ADAMTS12: variants seen among roughly 807,000 people sequenced by gnomAD.
ADAMTS12 encodes the protein ADAM metallopeptidase with thrombospondin type 1 motif 12.
Under a neutral mutation model 167.8 loss-of-function variants are expected in ADAMTS12, and 118 were observed. The ratio of observed to expected loss-of-function variants is 0.70; its 90% CI spans 0.61 to 0.82. ADAMTS12 has a LOEUF of 0.82. Among genes scored for constraint, ADAMTS12 ranks in the 40% least tolerant of loss-of-function variants. The pLI is 0.00. For synonymous variants in ADAMTS12, 704 were observed against 716.9 expected (o/e 0.98, Z 0.29); for missense variants, 1,916 against 1,998.8 (o/e 0.96, Z 0.79).
At chr5:33,746,835 G>A (rs957458573) in intron 3 of ADAMTS12, among the ~76,000 whole-genome samples, 1 of 152,218 alleles carries the variant, frequency 6.6e-6, no homozygotes, top group Non-Finnish European at 1.5e-5. Flanking sequence ...TCGAAAAGCA[G>A]AACTGGGTCT....
chr5:33,685,105 A>C (rs1188199972), intron 3 of ADAMTS12, among the ~76,000 whole-genome samples: 1 of 152,212 alleles, frequency 6.6e-6, no homozygotes, highest in Non-Finnish European at 1.5e-5. Flanking sequence ...TCCTATCAGG[A>C]TCACAGCCAC....
intron 5 of ADAMTS12, among the ~76,000 whole-genome samples, chr5:33,679,722 A>C (rs569982019): frequency 2.5e-4 from 38 of 152,214 alleles, no homozygotes; most frequent in South Asian, 1.4e-3. Flanking sequence ...CAGTAGACTC[A>C]AAGTTCCTCA....
chr5:33,734,496 T>TA (rs1292393751), intron 3 of ADAMTS12, among the ~76,000 whole-genome samples: 1 of 152,152 alleles, frequency 6.6e-6, no homozygotes, highest in African/African-American at 2.4e-5. Context: ...AATTGTGAAT[T>TA]AAAAAAATTA....
intron 22 of ADAMTS12, among the ~76,000 whole-genome samples, chr5:33,538,320 G>A (rs979794359): frequency 6.6e-6 from 1 of 152,116 alleles, no homozygotes; most frequent in Non-Finnish European, 1.5e-5. Flanking sequence ...ACTATCACAA[G>A]AACAGCATGG....
At chr5:33,604,240 GA>G (rs1738319967) in intron 16 of ADAMTS12, among the ~76,000 whole-genome samples, 1 of 152,164 alleles carries the variant, frequency 6.6e-6, no homozygotes, top group Non-Finnish European at 1.5e-5. Flanking sequence ...TATTTTCCCT[GA>G]TAAAAATCAT....
At chr5:33,787,996 G>A (rs917649817) in intron 2 of ADAMTS12, among the ~76,000 whole-genome samples, 3 of 152,154 alleles carry the variant, frequency 2.0e-5, no homozygotes, top group Non-Finnish European at 1.5e-5. Context: ...CAAACGGGAG[G>A]GAAATGGCAA....
Position 33,781,847 on chromosome 5 carries a change from C to T in ADAMTS12, c.490-30299G>A, listed in dbSNP as rs570951067. The stretch of plus-strand genomic sequence containing the variant: ...ATCTCCTAATGCTATCCCTCCCCCC[C>T]GACCCCACAACAGTCCCCAGAGTGT... On this transcript the variant is annotated intron_variant, in intron 2 of 23. Transcript: ENST00000504830. Among the ~76,000 whole-genome samples, 14 of 152,020 alleles carry T rather than the reference C, an allele frequency of 9.2e-5. No individual in the cohort carries two copies. The East Asian group carries it at 2.3e-3, about 25-fold the overall frequency.
intron 2 of ADAMTS12, chr5:33,840,295 T>C (rs1748700956): frequency 6.6e-6 from 1 of 152,260 alleles, no homozygotes; most frequent in Non-Finnish European, 1.5e-5. Flanking sequence ...AGGGTCTCAC[T>C]GTATGTATTC....
rs1743683366 is a variant in ADAMTS12 at position 33,523,724 on chromosome 5, G to A, written c.*3464C>T. The A allele has an allele frequency of 6.6e-6, 1 of 152,216 alleles. No individual in the cohort carries two copies. The highest frequency in any genetic ancestry group is 2.4e-5 in the African/African-American group (1 of 41,446). 9.4% of individuals were successfully genotyped at this position (152,216 alleles called of 1,614,324 possible). On this transcript the variant is annotated 3_prime_UTR_variant, in exon 24 of 24. Coordinates refer to ENST00000504830, the MANE Select transcript of ADAMTS12 (RefSeq NM_030955.4). ...TCATACAATTATTTTGGAGGACAAT[G>A]ATGGGTAGGATTGTGCTTTACCCAC...
intron 3 of ADAMTS12, among the ~76,000 whole-genome samples, chr5:33,700,121 C>T (rs1039222738): frequency 2.0e-4 from 30 of 152,204 alleles, no homozygotes; most frequent in African/African-American, 6.8e-4. Flanking sequence ...TCTACCCACT[C>T]TGTTTTAACA....
intron 4 of ADAMTS12, among the ~76,000 whole-genome samples, chr5:33,683,399 TC>T (rs1189861976): frequency 1.3e-5 from 2 of 152,220 alleles, no homozygotes; most frequent in Non-Finnish European, 2.9e-5. Flanking sequence ...AAATACCTTT[TC>T]CCACCTCAAT....
chr5:33,718,504 T>C (rs892368707), intron 3 of ADAMTS12, among the ~76,000 whole-genome samples: 5 of 152,200 alleles, frequency 3.3e-5, no homozygotes, highest in African/African-American at 7.2e-5. Context: ...GTGCTCCTTA[T>C]GAGAATCTAA....
At chr5:33,818,982 T>C (rs572181383) in intron 2 of ADAMTS12, among the ~76,000 whole-genome samples, 48 of 152,280 alleles carry the variant, frequency 3.2e-4, no homozygotes, top group Middle Eastern at 3.4e-3. Flanking sequence ...AAATTTTAGA[T>C]ATTAACCTCT....
intron 13 of ADAMTS12, among the ~76,000 whole-genome samples, chr5:33,628,112 C>A (rs1016075726): frequency 6.6e-6 from 1 of 152,040 alleles, no homozygotes; most frequent in African/African-American, 2.4e-5. Flanking sequence ...ATGGATAGAC[C>A]AGGGCATCTG....
At chr5:33,866,435 C>T (rs1214251677) in intron 2 of ADAMTS12, among the ~76,000 whole-genome samples, 3 of 152,040 alleles carry the variant, frequency 2.0e-5, no homozygotes, top group African/African-American at 7.2e-5. Context: ...TCACCTTATA[C>T]AAAAATCAAC....
At chr5:33,679,239 A>C (rs2112253458) in intron 5 of ADAMTS12, among the ~76,000 whole-genome samples, 1 of 152,350 alleles carries the variant, frequency 6.6e-6, no homozygotes, top group African/African-American at 2.4e-5. Context: ...TTAAGAATAA[A>C]GCCATTGCCC....
intron 2 of ADAMTS12, among the ~76,000 whole-genome samples, chr5:33,791,118 C>G (rs1179543040): frequency 6.6e-6 from 1 of 152,138 alleles, no homozygotes; most frequent in Non-Finnish European, 1.5e-5. Flanking sequence ...TTTCTTACCC[C>G]ACCCAGGTCA....
At chr5:33,802,111 T>A (rs1046566124) in intron 2 of ADAMTS12, among the ~76,000 whole-genome samples, 2 of 152,178 alleles carry the variant, frequency 1.3e-5, no homozygotes, top group Non-Finnish European at 1.5e-5. Context: ...AATTGGGAAG[T>A]GGGCCTTCAT....
intron 20 of ADAMTS12, among the ~76,000 whole-genome samples, chr5:33,554,532 G>C (rs1312172306): frequency 6.6e-6 from 1 of 152,170 alleles, no homozygotes; most frequent in Admixed American, 6.5e-5. Flanking sequence ...TAAAATAAAT[G>C]TAGGGATACT....
Sources: allele counts gnomAD v4.1 joint callset (sites outside exome capture counted in the v4.1 genomes callset), GRCh38; gene constraint gnomAD v4.1.1; transcripts MANE v1.5; gene names NCBI Gene and HGNC (gene_info 2026-07-23, HGNC 2026-07-21).